The following ESRRG variants were observed in gnomAD, a reference collection of about 807,000 sequenced individuals.
ESRRG encodes estrogen-related receptor gamma.
A neutral mutation model predicts 44.0 loss-of-function variants in ESRRG; 13 were observed. The observed-to-expected ratio is 0.30, with a 90% CI of 0.19 to 0.47. ESRRG has a LOEUF of 0.47. ESRRG is among the 20% of genes least tolerant of loss of function. ESRRG has a pLI of 1.00. For missense variants in ESRRG, 395 were observed against 580.6 expected (o/e 0.68, Z 3.29); for synonymous variants, 215 against 214.6 (o/e 1.00, Z -0.02).
intron 2 of ESRRG, among the ~76,000 whole-genome samples, chr1:216,897,891 G>A (rs1303357930): frequency 6.6e-6 from 1 of 152,124 alleles, no homozygotes; most frequent in East Asian, 1.9e-4. Flanking sequence ...TAGCAGCCAA[G>A]GAAACAGAGG....
intron 2 of ESRRG, among the ~76,000 whole-genome samples, chr1:216,810,067 C>T (rs2576238): frequency 0.22 from 34,051 of 152,014 alleles, 4,177 homozygotes; most frequent in East Asian, 0.36. Flanking sequence ...GACACAGCTA[C>T]ACACCTGCAA....
chr1:216,557,416 T>TA (rs941042402), intron 5 of ESRRG, among the ~76,000 whole-genome samples: 2 of 152,170 alleles, frequency 1.3e-5, no homozygotes, highest in African/African-American at 4.8e-5. Flanking sequence ...AAGCCACTGT[T>TA]AAAAAACCAA....
intron 5 of ESRRG, among the ~76,000 whole-genome samples, chr1:216,537,520 T>C (rs1572526324): frequency 6.6e-6 from 1 of 151,992 alleles, no homozygotes; most frequent in Non-Finnish European, 1.5e-5. Flanking sequence ...CAGAGGCTAG[T>C]GCAGCTGGAG....
intron 1 of ESRRG, among the ~76,000 whole-genome samples, chr1:216,940,171 T>G (rs1484816435): frequency 6.6e-6 from 1 of 152,118 alleles, no homozygotes; most frequent in African/African-American, 2.4e-5. Flanking sequence ...AGAGAGCGAG[T>G]AGAGAGGCTC....
intron 3 of ESRRG, among the ~76,000 whole-genome samples, chr1:216,575,370 AT>A (rs2061512783): frequency 6.6e-6 from 1 of 152,024 alleles, no homozygotes. Context: ...CTTTCTTCCT[AT>A]TTCAACAGTC....
At chr1:216,515,531 A>G (rs1306085551) in intron 6 of ESRRG, among the ~76,000 whole-genome samples, 3 of 152,176 alleles carry the variant, frequency 2.0e-5, no homozygotes, top group Admixed American at 2.0e-4. Context: ...GTCCTTAAGA[A>G]CAACAGAATG....
At chr1:217,008,837 C>G (rs2078129675) in intron 1 of ESRRG, among the ~76,000 whole-genome samples, 1 of 152,088 alleles carries the variant, frequency 6.6e-6, no homozygotes, top group South Asian at 2.1e-4. Context: ...CTAGCATTCC[C>G]CAACTAACTG....
At chr1:216,557,536 A>G (rs1311430119) in intron 5 of ESRRG, among the ~76,000 whole-genome samples, 1 of 152,190 alleles carries the variant, frequency 6.6e-6, no homozygotes, top group African/African-American at 2.4e-5. Context: ...TTACTCATCT[A>G]TAAAGTGGGA....
chr1:216,526,387 C>T (rs997317927), intron 5 of ESRRG, among the ~76,000 whole-genome samples: 2 of 151,948 alleles, frequency 1.3e-5, no homozygotes, highest in African/African-American at 2.4e-5. Flanking sequence ...CAGAGATGGA[C>T]GTGTGCAGAG....
intron 2 of ESRRG, among the ~76,000 whole-genome samples, chr1:216,815,528 C>A (rs1407263828): frequency 6.6e-6 from 1 of 152,162 alleles, no homozygotes; most frequent in Non-Finnish European, 1.5e-5. Flanking sequence ...CCAGATTTTT[C>A]TCTCTCCTTT....
intron 2 of ESRRG, among the ~76,000 whole-genome samples, chr1:216,820,230 C>T (rs1015964262): frequency 6.6e-6 from 1 of 152,066 alleles, no homozygotes; most frequent in African/African-American, 2.4e-5. Flanking sequence ...ATTTCAGAGT[C>T]GAGATAAACT....
intron 1 of ESRRG, among the ~76,000 whole-genome samples, chr1:216,700,559 C>A (rs2081206154): frequency 6.6e-6 from 1 of 152,098 alleles, no homozygotes; most frequent in Admixed American, 6.5e-5. Context: ...TCTCGTACTA[C>A]TGGTAACAAG....
chr1:216,863,441 CCA>C (rs1460886553), intron 2 of ESRRG: 2 of 152,162 alleles, frequency 1.3e-5, no homozygotes, highest in South Asian at 4.2e-4. Context: ...ACTGAAAATT[CCA>C]CAGTTTTCAA....
At chr1:216,858,182 A>C (rs1055763940) in intron 2 of ESRRG, among the ~76,000 whole-genome samples, 4 of 148,550 alleles carry the variant, frequency 2.7e-5, no homozygotes, top group African/African-American at 1.0e-4. Context: ...TCACGCCTGT[A>C]ATCCCAGCAC....
chr1:216,518,897 C>T (rs1304816240), intron 6 of ESRRG, among the ~76,000 whole-genome samples: 1 of 152,126 alleles, frequency 6.6e-6, no homozygotes, highest in African/African-American at 2.4e-5. Context: ...TTTTGCTTTG[C>T]CATGATCCAA....
chr1:216,640,299 T>C (rs1183429572), intron 3 of ESRRG, among the ~76,000 whole-genome samples: 1 of 152,116 alleles, frequency 6.6e-6, no homozygotes, highest in East Asian at 1.9e-4. Context: ...ACCGGGCACC[T>C]CAGACTTCTG....
intron 2 of ESRRG, among the ~76,000 whole-genome samples, chr1:216,931,719 C>T (rs1373726842): frequency 6.6e-6 from 1 of 151,736 alleles, no homozygotes; most frequent in Non-Finnish European, 1.5e-5. Context: ...TGTCTATGAG[C>T]TGTGGGAAGC....
At chr1:216,957,412 C>G (rs999378745) in intron 1 of ESRRG, among the ~76,000 whole-genome samples, 11 of 152,130 alleles carry the variant, frequency 7.2e-5, no homozygotes, top group African/African-American at 2.7e-4. Flanking sequence ...GCATATTTGT[C>G]TAATATGCAT....
At chr1:216,922,132 C>T (rs2061926958) in intron 2 of ESRRG, among the ~76,000 whole-genome samples, 1 of 152,196 alleles carries the variant, frequency 6.6e-6, no homozygotes, top group Admixed American at 6.5e-5. Flanking sequence ...CAGTCTCTGC[C>T]TCTGTAAACA....
Sources: gnomAD v4.1 joint callset for allele counts (sites outside exome capture counted in the v4.1 genomes callset) on GRCh38, gnomAD v4.1.1 for gene constraint, MANE v1.5 for transcripts, NCBI Gene and HGNC (gene_info 2026-07-23, HGNC 2026-07-21) for gene names.